NRG1: variants seen among roughly 807,000 people sequenced by gnomAD.
The protein encoded by NRG1 is pro-neuregulin-1, membrane-bound isoform.
A neutral mutation model predicts 63.8 loss-of-function variants in NRG1; 18 were observed. That is an observed-to-expected ratio of 0.28 (90% CI 0.19 to 0.42). NRG1 has a LOEUF of 0.42. NRG1 is among the 10% of genes least tolerant of loss of function. The probability of loss-of-function intolerance (pLI) is 1.00; values close to 1 mark genes in which losing one functional copy is unlikely to be tolerated. For missense variants in NRG1, 762 were observed against 814.7 expected (o/e 0.94, Z 0.79); for synonymous variants, 302 against 301.3 (o/e 1.00, Z -0.02).
At chr8:31,746,117 A>T (rs576007021) in intron 1 of NRG1, among the ~76,000 whole-genome samples, 3 of 151,764 alleles carry the variant, frequency 2.0e-5, no homozygotes, top group Non-Finnish European at 4.4e-5. Flanking sequence ...TTGGCACAAT[A>T]GTTAAATGTG....
intron 1 of NRG1, among the ~76,000 whole-genome samples, chr8:32,414,460 T>C (rs1815574926): frequency 6.6e-6 from 1 of 152,214 alleles, no homozygotes; most frequent in Non-Finnish European, 1.5e-5. Context: ...CAAAATAATG[T>C]TGTAAATGCT....
intron 1 of NRG1, among the ~76,000 whole-genome samples, chr8:32,124,609 C>G (rs1333234697): frequency 6.6e-6 from 1 of 151,784 alleles, no homozygotes; most frequent in African/African-American, 2.4e-5. Flanking sequence ...CCACTGACAC[C>G]CCCTTGTGCT....
rs546175275 is a variant in NRG1, at chr8:32,391,010, A to C, written c.38-204818A>C. Among the ~76,000 whole-genome samples the C allele has an allele frequency of 7.2e-5, 11 of 152,284 alleles. No individual in the cohort carries two copies. In the East Asian group the frequency reaches 1.3e-3, roughly 19 times the overall value. On this transcript the variant is annotated intron_variant, in intron 1 of 10. Coordinates refer to the NRG1 transcript ENST00000519301. ...TTGTGATGTCTGGTGACATTTTTTC[A>C]ATATTTTAGATTTCTTACACACAAC...
At chr8:31,890,206 G>C (rs1831041186) in intron 1 of NRG1, among the ~76,000 whole-genome samples, 1 of 152,124 alleles carries the variant, frequency 6.6e-6, no homozygotes, top group African/African-American at 2.4e-5. Context: ...ACCAGCACTA[G>C]CTAAGAACCA....
At chr8:31,799,670 A>G (rs1454676845) in intron 1 of NRG1, among the ~76,000 whole-genome samples, 7 of 152,060 alleles carry the variant, frequency 4.6e-5, no homozygotes, top group Non-Finnish European at 1.0e-4. Context: ...TGATTTTCCA[A>G]TGAGATATAT....
At chr8:32,605,709 TC>T in intron 3 of NRG1, 26 bp downstream of exon 3, 1 of 1,610,578 alleles carries the variant, frequency 6.2e-7, no homozygotes, top group East Asian at 2.2e-5. Flanking sequence ...GGTATTCTGT[TC>T]CTCAATCTGT....
At chr8:32,248,257 C>T (rs1355446464) in intron 1 of NRG1, among the ~76,000 whole-genome samples, 1 of 151,764 alleles carries the variant, frequency 6.6e-6, no homozygotes, top group East Asian at 1.9e-4. Flanking sequence ...ATCTGTTGCA[C>T]AAAGAAAAAA....
At chr8:32,027,466 T>TTCCTTCCTTCCCTCCCTCCCTCCC (rs1491191069) in intron 1 of NRG1, among the ~76,000 whole-genome samples, 27 of 60,852 alleles carry the variant, frequency 4.4e-4, no homozygotes, top group African/African-American at 2.1e-3. Context: ...CCTTCCTTCC[T>TTCCTTCCTTCCCTCCCTCCCTCCC]TCCCTCCCTC....
intron 1 of NRG1, among the ~76,000 whole-genome samples, chr8:31,933,426 G>T (rs183702387): frequency 6.6e-6 from 1 of 151,978 alleles, no homozygotes; most frequent in Non-Finnish European, 1.5e-5. Flanking sequence ...GATTACAGGC[G>T]TGTGCCACCA....
At chr8:32,307,609 G>T (rs1429939907) in intron 1 of NRG1, among the ~76,000 whole-genome samples, 1 of 151,836 alleles carries the variant, frequency 6.6e-6, no homozygotes, top group Non-Finnish European at 1.5e-5. Context: ...GTGTGTGTGT[G>T]TGTGTGTGTG....
rs1831823119 is a variant in NRG1 at position 31,898,834 on chromosome 8, A to G, written c.37+259403A>G. ...TAATCTCCACATTAACATTACTAGC[A>G]GTGGTTCCTGCTCTCTTCTTTCTTT... On this transcript the variant is annotated intron_variant, in intron 1 of 10. Coordinates refer to the NRG1 transcript ENST00000519301. Among the ~76,000 whole-genome samples, 4 of 152,308 alleles carry G rather than the reference A, an allele frequency of 2.6e-5. No individual in the cohort carries two copies. The South Asian group carries it at 8.3e-4, about 32-fold the overall frequency.
intron 5 of NRG1, among the ~76,000 whole-genome samples, chr8:32,624,108 T>C (rs1462805389): frequency 6.6e-6 from 1 of 152,214 alleles, no homozygotes; most frequent in Non-Finnish European, 1.5e-5. Context: ...GATGAGGGAC[T>C]TGACGTTCAG....
chr8:32,658,217 C>T (rs1392245897), intron 5 of NRG1, among the ~76,000 whole-genome samples: 1 of 152,154 alleles, frequency 6.6e-6, no homozygotes, highest in Non-Finnish European at 1.5e-5. Context: ...TACAAGGATT[C>T]TCAAAATCCT....
At chr8:32,103,813 G>A (rs879442472) in intron 1 of NRG1, among the ~76,000 whole-genome samples, 2 of 152,140 alleles carry the variant, frequency 1.3e-5, no homozygotes, top group Non-Finnish European at 2.9e-5. Flanking sequence ...GAGCTGTAGA[G>A]AGGAGATGAG....
intron 1 of NRG1, among the ~76,000 whole-genome samples, chr8:32,503,627 A>G (rs1308533176): frequency 6.6e-6 from 1 of 152,202 alleles, no homozygotes; most frequent in African/African-American, 2.4e-5. Context: ...TGTATATTTC[A>G]TGTTGACAAC....
intron 1 of NRG1, among the ~76,000 whole-genome samples, chr8:32,554,284 G>A (rs1230226387): frequency 1.3e-5 from 2 of 152,104 alleles, no homozygotes; most frequent in African/African-American, 4.8e-5. Flanking sequence ...TTTTGTGCAT[G>A]TCTGCACTTG....
At chr8:31,803,926 G>C (rs142645393) in intron 1 of NRG1, among the ~76,000 whole-genome samples, 1 of 152,248 alleles carries the variant, frequency 6.6e-6, no homozygotes, top group African/African-American at 2.4e-5. Flanking sequence ...TCTGTTTGGT[G>C]TTCTCTTCTC....
chr8:32,410,176 CTTTTTTTTTT>C lies in NRG1; in HGVS notation c.38-185639_38-185630del, dbSNP rs374377158. Among the ~76,000 whole-genome samples the C allele has an allele frequency of 4.6e-3, 454 of 99,336 alleles. 2 individuals carry two copies. The highest frequency in any genetic ancestry group is 0.017 in the African/African-American group (436 of 25,740). 65.2% of individuals were successfully genotyped at this position (99,336 alleles called of 152,430 possible). On this transcript the variant is annotated intron_variant, in intron 1 of 10. Transcript: ENST00000519301. ...CCTAAGGAAAGGATCTTTTTCTTTC[CTTTTTTTTTT>C]TTTTTTTTTTTTGAGACATGGTCTC...
At chr8:32,501,031 AG>A (rs1490056654) in intron 1 of NRG1, among the ~76,000 whole-genome samples, 2 of 152,206 alleles carry the variant, frequency 1.3e-5, no homozygotes, top group Non-Finnish European at 2.9e-5. Context: ...GTACCTGCCA[AG>A]GTTTTGTTCA....
Sources: gnomAD v4.1 joint callset for allele counts (sites outside exome capture counted in the v4.1 genomes callset) on GRCh38, gnomAD v4.1.1 for gene constraint, MANE v1.5 for transcripts, NCBI Gene and HGNC (gene_info 2026-07-23, HGNC 2026-07-21) for gene names.